The following LRIG2 variants were observed in gnomAD, a reference collection of about 807,000 sequenced individuals.
The protein encoded by LRIG2 is leucine rich repeats and immunoglobulin like domains 2, also known as leucine-rich repeats and immunoglobulin-like domains protein 2.
A neutral mutation model predicts 107.8 loss-of-function variants in LRIG2; 93 were observed. The observed-to-expected ratio is 0.86, with a 90% CI of 0.73 to 1.03. The LOEUF (loss-of-function observed/expected upper bound fraction) is 1.03. Ranked by LOEUF, LRIG2 falls within the 50% of genes least tolerant of loss-of-function variation. The pLI, the probability that LRIG2 is intolerant of heterozygous loss-of-function variation, is 0.00. For synonymous variants in LRIG2, 471 were observed against 470.6 expected (o/e 1.00, Z -0.01); for missense variants, 1,226 against 1,296.0 (o/e 0.95, Z 0.83).
chr1:113,112,578 T>C lies in LRIG2; in HGVS notation c.1898T>C (p.Ile633Thr), dbSNP rs999134042. 6 of 1,614,100 alleles carry C rather than the reference T, an allele frequency of 3.7e-6. No homozygotes were observed. The highest frequency in any genetic ancestry group is 4.2e-6 in the Non-Finnish European group (5 of 1,180,042). The change falls in exon 14 of 18, where the codon ATT (isoleucine) becomes ACT (threonine). Residue 633 changes from isoleucine (I) to threonine (T), a missense_variant. Transcript: ENST00000361127. ...GCAGAGGGACACCCTGCACCTCAGA[T>C]TTCCTGGCAGAAAGATGGTGGTACT... ...CAAEGHPAPQISWQKDGGTDF... is the reference protein window; with the variant it reads ...CAAEGHPAPQTSWQKDGGTDF...
rs77848874 is a variant in LRIG2 at position 113,124,125 on chromosome 1, G to A, written c.*24G>A. ...GAAACTCACTTCAGGATGAAATCTG[G>A]GCAGAGACTTATTAATTAATTTTGC... On this transcript the variant is annotated 3_prime_UTR_variant, in exon 18 of 18. Transcript: ENST00000361127. 1,623 of 1,596,888 alleles carry A rather than the reference G, an allele frequency of 1.0e-3. 21 individuals carry two copies. The African/African-American group carries it at 0.02, about 20-fold the overall frequency.
In LRIG2 at chr1:113,096,009, A is replaced by G. The variant is rs372842473; in HGVS notation, c.939A>G (p.Leu313=). Residue 313 remains leucine, a synonymous_variant, in exon 7 of 18, where the codon CTA becomes CTG. Transcript: ENST00000361127. ...ATGCATGGGAGTTCTGCCAAAGACT[A>G]TCCGAACTGTAAGTGTTGGATAGCA... ...SPDAWEFCQR[L]SELDLSYNQL... 9.3e-5 allele frequency: 150 copies of G among 1,614,220 alleles called. No homozygotes were observed. The highest frequency in any genetic ancestry group is 3.3e-4 in the Middle Eastern group (2 of 6,062).
intron 4 of LRIG2, 69 bp downstream of exon 4, chr1:113,093,633 G>A: frequency 4.6e-6 from 1 of 218,730 alleles, no homozygotes; most frequent in Admixed American, 5.2e-5. Context: ...TGGGGTGGGG[G>A]GAGGGGGCAG....
chr1:113,079,065 C>T (rs1384590065), intron 1 of LRIG2, among the ~76,000 whole-genome samples: 3 of 152,080 alleles, frequency 2.0e-5, no homozygotes, highest in Admixed American at 6.6e-5. Context: ...AGCCCTGTGA[C>T]CTGGTGCGGT....
At chr1:113,113,520 A>AT (rs1654862805) in intron 14 of LRIG2, among the ~76,000 whole-genome samples, 1 of 145,178 alleles carries the variant, frequency 6.9e-6, no homozygotes, top group Non-Finnish European at 1.5e-5. Flanking sequence ...CCAGAAAAAT[A>AT]AGAAGTCATT....
intron 6 of LRIG2, among the ~76,000 whole-genome samples, chr1:113,095,468 G>T (rs750639634): frequency 4.0e-5 from 6 of 151,876 alleles, no homozygotes; most frequent in Non-Finnish European, 5.9e-5. Flanking sequence ...GAGTGCAGTG[G>T]CACAGTCTCG....
intron 13 of LRIG2, among the ~76,000 whole-genome samples, chr1:113,111,110 C>T (rs759439399): frequency 4.6e-5 from 7 of 152,140 alleles, no homozygotes; most frequent in Non-Finnish European, 1.0e-4. Flanking sequence ...TCTCGGCTCA[C>T]TGCAAATTCC....
Position 113,132,029 on chromosome 1 carries a change from C to T in LRIG2, c.*7928C>T, listed in dbSNP as rs982868031. On this transcript the variant is annotated 3_prime_UTR_variant, in exon 18 of 18. Transcript: ENST00000361127. ...TTTACAATGGTGAGACTTATTTCTA[C>T]CCTCTACTTTCCACTATTATTTTTT... The T allele has an allele frequency of 6.6e-6, 1 of 151,794 alleles. No homozygotes were observed. The highest frequency in any genetic ancestry group is 1.5e-5 in the Non-Finnish European group (1 of 68,004). 9.4% of individuals were successfully genotyped at this position (151,794 alleles called of 1,614,324 possible).
intron 1 of LRIG2, among the ~76,000 whole-genome samples, chr1:113,089,927 C>T (rs950373115): frequency 2.6e-5 from 4 of 151,112 alleles, no homozygotes; most frequent in Admixed American, 2.6e-4. Flanking sequence ...ACTCCTGACC[C>T]CGGGTGATCC....
intron 1 of LRIG2, among the ~76,000 whole-genome samples, chr1:113,078,191 A>G (rs1205791707): frequency 6.6e-6 from 1 of 151,748 alleles, no homozygotes; most frequent in Non-Finnish European, 1.5e-5. Context: ...TGCCACAGTA[A>G]ACATATGTGT....
intron 1 of LRIG2, among the ~76,000 whole-genome samples, chr1:113,082,405 A>G (rs1653328843): frequency 6.6e-6 from 1 of 152,202 alleles, no homozygotes; most frequent in African/African-American, 2.4e-5. Flanking sequence ...TTGCACTGCT[A>G]TATACAATTA....
chr1:113,095,843 C>T (rs542845616), intron 6 of LRIG2, 31 bp from the exon 7 acceptor site: 14 of 1,612,936 alleles, frequency 8.7e-6, no homozygotes, highest in South Asian at 6.6e-5. Flanking sequence ...TGTTTTGGAA[C>T]GTATTTTCTT....
chr1:113,116,565 A>G (rs1655025424), intron 16 of LRIG2, 129 bp downstream of exon 16: 1 of 801,564 alleles, frequency 1.2e-6, no homozygotes. Flanking sequence ...ATTTAGCCAC[A>G]TGCAAAATAG....
intron 16 of LRIG2, among the ~76,000 whole-genome samples, chr1:113,118,497 C>T (rs1389507409): frequency 6.6e-6 from 1 of 152,166 alleles, no homozygotes; most frequent in African/African-American, 2.4e-5. Context: ...ACTTAGTTTG[C>T]TTAAGCCAAG....
At chr1:113,121,526 G>C (rs1332644570) in intron 17 of LRIG2, among the ~76,000 whole-genome samples, 1 of 151,910 alleles carries the variant, frequency 6.6e-6, no homozygotes, top group South Asian at 2.1e-4. Flanking sequence ...GGTGGATCAT[G>C]AGGTCAGGAG....
chr1:113,088,232 C>G (rs1291844253), intron 1 of LRIG2, among the ~76,000 whole-genome samples: 2 of 152,106 alleles, frequency 1.3e-5, no homozygotes, highest in Non-Finnish European at 2.9e-5. Flanking sequence ...AAGCATATAT[C>G]CTTTCAACAA....
intron 1 of LRIG2, 105 bp downstream of exon 1, chr1:113,073,750 C>A: frequency 1.8e-6 from 2 of 1,088,388 alleles, no homozygotes; most frequent in Non-Finnish European, 1.3e-6. Flanking sequence ...TGGTCGAGAG[C>A]CTAAGCTCTG....
At chr1:113,074,206 C>T (rs1049574606) in intron 1 of LRIG2, among the ~76,000 whole-genome samples, 3 of 152,110 alleles carry the variant, frequency 2.0e-5, no homozygotes, top group African/African-American at 7.2e-5. Flanking sequence ...ATCAGGAGAT[C>T]CTGTAATTCA....
Position 113,073,703 on chromosome 1 carries a change from G to A in LRIG2, c.239+58G>A. 5 of 1,507,822 alleles carry A rather than the reference G, an allele frequency of 3.3e-6. No homozygotes were observed. In the South Asian group the frequency reaches 4.7e-5, roughly 14 times the overall value. The allele number at this position is 1,507,822 out of a possible 1,614,324, so 93.4% of individuals were successfully genotyped here. On this transcript the variant is annotated intron_variant, in intron 1 of 17. Coordinates refer to ENST00000361127, the MANE Select transcript of LRIG2 (RefSeq NM_014813.3). ...GGAGGGGGAGCCTTCCCTCTACAGG[G>A]GGCAGGCAGGAGGGAGACAGGCCTG... is the stretch of plus-strand genomic sequence containing the variant.
Sources: allele counts gnomAD v4.1 joint callset (sites outside exome capture counted in the v4.1 genomes callset), GRCh38; gene constraint gnomAD v4.1.1; transcripts MANE v1.5; gene names NCBI Gene and HGNC (gene_info 2026-07-23, HGNC 2026-07-21).